The following KRT24 variants were observed in gnomAD, a reference collection of about 807,000 sequenced individuals.
The protein encoded by KRT24 is keratin, type I cytoskeletal 24.
Under a neutral mutation model 51.7 loss-of-function variants are expected in KRT24, and 44 were observed. The ratio of observed to expected loss-of-function variants is 0.85; its 90% CI spans 0.67 to 1.09. The LOEUF (loss-of-function observed/expected upper bound fraction) is 1.09, where lower values mean the gene tolerates loss of function less well. Among genes scored for constraint, KRT24 ranks in the 50% least tolerant of loss-of-function variants. The pLI, the probability that KRT24 is intolerant of heterozygous loss-of-function variation, is 0.00. For synonymous variants in KRT24, 241 were observed against 249.5 expected (o/e 0.97, Z 0.32); for missense variants, 633 against 647.0 (o/e 0.98, Z 0.24).
Position 40,698,542 on chromosome 17 carries a change from T to A in KRT24, c.1470A>T (p.Gly490=), listed in dbSNP as rs2037634925. 1 of 1,578,678 alleles carries A rather than the reference T, an allele frequency of 6.3e-7. No individual in the cohort carries two copies. Among genetic ancestry groups the A allele is most frequent in the Non-Finnish European group, 8.7e-7 (1 of 1,151,830 alleles). The change falls in exon 7 of 8, where the codon GGA becomes GGT. Residue 490 remains glycine, a synonymous_variant. Transcript: ENST00000264651. ...DSRSGSCSGQ[G]RDSSKTRVTK... The stretch of plus-strand genomic sequence containing the variant: ...TCAATATTAAAAAAAGTCTACCTCG[T>A]CCTTGACCAGAACAGCTTCCAGATC...
In KRT24 at chr17:40,700,083, G is replaced by T. The variant is rs1289886597; in HGVS notation, c.1058C>A (p.Ala353Glu). The change falls in exon 5 of 8, where the codon GCA becomes GAA. Residue 353 changes from alanine to glutamate, a missense_variant. Ala to Glu is a moderately radical substitution (Grantham distance 107). Coordinates refer to ENST00000264651, the MANE Select transcript of KRT24 (RefSeq NM_019016.3). ...TATCTCATTCTTGGCAGAAGTGGCT[G>T]CCCCAGCATCAGTGGAGATTTGTGC... ...LQAQISTDAG[A>E]ATSAKNEITE... is the part of the protein sequence containing the mutation. 6.2e-7 allele frequency: 1 copy of T among 1,614,198 alleles called. No homozygotes were observed. The highest frequency in any genetic ancestry group is 8.5e-7 in the Non-Finnish European group (1 of 1,180,034).
rs767398208 is a variant in KRT24, at chr17:40,703,062, G to A, written c.615+17C>T. The A allele has an allele frequency of 1.9e-6, 3 of 1,559,202 alleles. No individual in the cohort carries two copies. The highest frequency in any genetic ancestry group is 2.6e-6 in the Non-Finnish European group (3 of 1,156,230). ...AAGATCCACAAATAATAGAAACTCA[G>A]GCACAGATAGTCTCACCTGGTTTCT... is the stretch of plus-strand genomic sequence containing the variant. On this transcript the variant is annotated intron_variant, in intron 1 of 7. Transcript: ENST00000264651.
At position 40,698,648 on chromosome 17, in the gene KRT24, C is replaced by T; in HGVS notation, c.1364G>A (p.Gly455Asp). The T allele has an allele frequency of 6.7e-7, 1 of 1,483,420 alleles. No homozygotes were observed. The highest frequency in any genetic ancestry group is 9.4e-7 in the Non-Finnish European group (1 of 1,064,708). The allele number at this position is 1,483,420 out of a possible 1,614,324, so 91.9% of individuals were successfully genotyped here. ...YRRLLDGEGG[G>D]SSFAEFGGRN... ...ACCACCAAATTCTGCAAAACTAGAA[C>T]CACTGGAGAAAAAAAGAATTATGTT... Residue 455 changes from glycine to aspartate, a missense_variant and splice_region_variant, in exon 7 of 8, where the codon GGT (glycine) becomes GAT (aspartate). Transcript: ENST00000264651.
Position 40,698,153 on chromosome 17 carries a change from T to G in KRT24, c.*84A>C. 1 of 855,362 alleles carries G rather than the reference T, an allele frequency of 1.2e-6. No homozygotes were observed. Among genetic ancestry groups the G allele is most frequent in the Non-Finnish European group, 1.9e-6 (1 of 515,268 alleles). 53.0% of individuals were successfully genotyped at this position (855,362 alleles called of 1,614,324 possible). ...CTTTTCCTGAAATTATCCAGAAAGATGCCTAGATTGATGCCATTTCTTCGC... is the reference window on the plus strand; with the variant it reads ...CTTTTCCTGAAATTATCCAGAAAGAGGCCTAGATTGATGCCATTTCTTCGC... On this transcript the variant is annotated 3_prime_UTR_variant, in exon 8 of 8. Coordinates refer to ENST00000264651, the MANE Select transcript of KRT24 (RefSeq NM_019016.3).
intron 6 of KRT24, among the ~76,000 whole-genome samples, chr17:40,698,867 C>T (rs1188002515): frequency 7.1e-6 from 1 of 141,416 alleles, no homozygotes; most frequent in East Asian, 2.1e-4. Flanking sequence ...CACCACCATG[C>T]CCAGCTAATT....
Position 40,698,161 on chromosome 17 carries a change from T to C in KRT24, c.*76A>G. 1 of 932,780 alleles carries C rather than the reference T, an allele frequency of 1.1e-6. No homozygotes were observed. Among genetic ancestry groups the C allele is most frequent in the Non-Finnish European group, 1.7e-6 (1 of 575,810 alleles). 57.8% of individuals were successfully genotyped at this position (932,780 alleles called of 1,614,324 possible). A position where few individuals can be genotyped will look rare whatever the true frequency, so the allele number is the denominator to read the frequency against. On this transcript the variant is annotated 3_prime_UTR_variant, in exon 8 of 8. Coordinates refer to ENST00000264651, the MANE Select transcript of KRT24 (RefSeq NM_019016.3). Reference sequence around the variant, plus strand: ...GAAATTATCCAGAAAGATGCCTAGATTGATGCCATTTCTTCGCTTGTGTCC... The same window carrying C: ...GAAATTATCCAGAAAGATGCCTAGACTGATGCCATTTCTTCGCTTGTGTCC...
intron 1 of KRT24, among the ~76,000 whole-genome samples, 162 bp downstream of exon 1, chr17:40,702,917 A>G (rs2037699209): frequency 6.6e-6 from 1 of 152,230 alleles, no homozygotes; most frequent in Non-Finnish European, 1.5e-5. Flanking sequence ...ATTGGACATC[A>G]CATAAGGTAC....
At chr17:40,699,742 C>T in intron 5 of KRT24, 81 bp from the exon 6 acceptor site, 1 of 1,240,494 alleles carries the variant, frequency 8.1e-7, no homozygotes, top group South Asian at 1.3e-5. Flanking sequence ...TTATGTGGCA[C>T]TAGAAGTGCA....
intron 6 of KRT24, among the ~76,000 whole-genome samples, chr17:40,698,875 ATTTTTT>A (rs11315622): frequency 7.6e-6 from 1 of 130,962 alleles, no homozygotes; most frequent in Non-Finnish European, 1.6e-5. Flanking sequence ...TGCCCAGCTA[ATTTTTT>A]TTTTTTTTTT....
rs370250980 is a variant in KRT24, at chr17:40,701,923, G to A, written c.626C>T (p.Ala209Val). Residue 209 changes from alanine to valine, a missense_variant, in exon 2 of 8, where the codon GCC becomes GTC. Physicochemically the swap from Ala to Val is moderately conservative, Grantham distance 64 (BLOSUM62 0). Transcript: ENST00000264651. The part of the protein sequence containing the change: ...IEDLRNQIIA[A>V]TVENAGIILH... ...AATGATCCCAGCATTTTCAACAGTG[G>A]CAGCAATGATCTAAAAAAGATGTTA... 2.1e-5 allele frequency: 32 copies of A among 1,539,980 alleles called. No individual in the cohort carries two copies. The East Asian group carries it at 2.2e-4, about 11-fold the overall frequency.
chr17:40,699,991 C>T lies in KRT24; in HGVS notation c.1143+7G>A. ...GTTGGAAAATGTGAAAAGCTATTTGCACATACCATGGCCAGTTGGGACTGA... is the reference window on the plus strand; with the variant it reads ...GTTGGAAAATGTGAAAAGCTATTTGTACATACCATGGCCAGTTGGGACTGA... On this transcript the variant is annotated splice_region_variant and intron_variant, in intron 5 of 7. Transcript: ENST00000264651. The T allele has an allele frequency of 6.2e-7, 1 of 1,614,024 alleles. No individual in the cohort carries two copies. Among genetic ancestry groups the T allele is most frequent in the Non-Finnish European group, 8.5e-7 (1 of 1,180,018 alleles).
chr17:40,703,594 C>T lies in KRT24; in HGVS notation c.100G>A (p.Gly34Ser). Residue 34 changes from glycine (G) to serine (S), a missense_variant, in exon 1 of 8, where the codon GGT becomes AGT. Coordinates refer to ENST00000264651, the MANE Select transcript of KRT24 (RefSeq NM_019016.3). ...GSSFSSGSRC[G>S]LGGSSAQGFR... ...CCCTGGGCCGAGCTGCCCCCCAGAC[C>T]ACATCTGCTTCCACTGCTGAAGCTG... 1 of 1,613,420 alleles carries T rather than the reference C, an allele frequency of 6.2e-7. No homozygotes were observed. Among genetic ancestry groups the T allele is most frequent in the Non-Finnish European group, 8.5e-7 (1 of 1,179,768 alleles).
Position 40,698,785 on chromosome 17 carries a change from T to A in KRT24, c.1362-135A>T, listed in dbSNP as rs2037638845. The A allele has an allele frequency of 7.0e-5, 45 of 639,844 alleles. 2 individuals carry two copies. The South Asian group carries it at 8.7e-4, about 12-fold the overall frequency. 39.6% of individuals were successfully genotyped at this position (639,844 alleles called of 1,614,324 possible). On this transcript the variant is annotated intron_variant, in intron 6 of 7. Coordinates refer to ENST00000264651, the MANE Select transcript of KRT24 (RefSeq NM_019016.3). ...TTGGATTGTGTCTGCTGCTTTTTTGTTCAACCTTGCACTCCTGGGCTCAAG... is the reference window on the plus strand; with the variant it reads ...TTGGATTGTGTCTGCTGCTTTTTTGATCAACCTTGCACTCCTGGGCTCAAG...
At chr17:40,701,723 G>GTA (rs36205605) in intron 2 of KRT24, 128 bp downstream of exon 2, 37 of 38,332 alleles carry the variant, frequency 9.7e-4, no homozygotes, top group Non-Finnish European at 1.6e-3. Flanking sequence ...TGATCCTCTA[G>GTA]TATATATATA....
rs759487802 is a variant in KRT24 at position 40,700,283 on chromosome 17, G to A, written c.956C>T (p.Ala319Val). 1.9e-6 allele frequency: 3 copies of A among 1,613,960 alleles called. No individual in the cohort carries two copies. Among genetic ancestry groups the A allele is most frequent in the African/African-American group, 1.3e-5 (1 of 74,900 alleles). Residue 319 changes from alanine (A) to valine (V), a missense_variant, in exon 4 of 8, where the codon GCG (alanine) becomes GTG (valine). Ala to Val is a moderately conservative substitution (Grantham distance 64, BLOSUM62 0). Transcript: ENST00000264651. ...DLTKLLNDMR[A>V]QYEELAEQNR... ...TTGCTCAGCCAGCTCCTCGTACTGCGCCCTCATGTCATTCAGTAATTTGGT... is the reference window on the plus strand; with the variant it reads ...TTGCTCAGCCAGCTCCTCGTACTGCACCCTCATGTCATTCAGTAATTTGGT...
Position 40,701,903 on chromosome 17 carries a change from T to C in KRT24, c.646A>G (p.Ile216Val). ...CTGGCATTGTCAATGTGCAAAATGA[T>C]CCCAGCATTTTCAACAGTGGCAGCA... ...IIAATVENAGIILHIDNARLA... is the reference protein window; with the variant it reads ...IIAATVENAGVILHIDNARLA... Residue 216 changes from isoleucine to valine, a missense_variant, in exon 2 of 8, where the codon ATC becomes GTC. By Grantham distance (29) the Ile-to-Val change is conservative. Coordinates refer to ENST00000264651, the MANE Select transcript of KRT24 (RefSeq NM_019016.3). 6.4e-7 allele frequency: 1 copy of C among 1,552,732 alleles called. No homozygotes were observed. Among genetic ancestry groups the C allele is most frequent in the Non-Finnish European group, 8.7e-7 (1 of 1,142,906 alleles).
At position 40,701,907 on chromosome 17, in the gene KRT24, A is replaced by T; in HGVS notation, c.642T>A (p.Ala214=). 6.4e-7 allele frequency: 1 copy of T among 1,553,894 alleles called. No homozygotes were observed. The highest frequency in any genetic ancestry group is 8.7e-7 in the Non-Finnish European group (1 of 1,143,328). ...NQIIAATVEN[A]GIILHIDNAR... ...CATTGTCAATGTGCAAAATGATCCC[A>T]GCATTTTCAACAGTGGCAGCAATGA... is the stretch of plus-strand genomic sequence containing the variant. Residue 214 remains alanine (A), a synonymous_variant, in exon 2 of 8, where the codon GCT becomes GCA. Transcript: ENST00000264651.
chr17:40,703,460 C>G lies in KRT24; in HGVS notation c.234G>C (p.Gly78=). ...ATCCTGTCCCAGAGCCTGAAGCTCC[C>G]CCAAAACCACCCCCTACTGAGCAGC... ...FGSCSVGGGF[G]GASGSGTGFG... is the part of the protein sequence containing the mutation. The change falls in exon 1 of 8, where the codon GGG becomes GGC. Residue 78 remains glycine (G), a synonymous_variant. Transcript: ENST00000264651. 2 of 1,542,180 alleles carry G rather than the reference C, an allele frequency of 1.3e-6. No individual in the cohort carries two copies. Among genetic ancestry groups the G allele is most frequent in the South Asian group, 1.1e-5 (1 of 89,458 alleles).
rs2037662127 is a variant in KRT24 at position 40,700,340 on chromosome 17, A to G, written c.899T>C (p.Val300Ala). Residue 300 changes from valine (V) to alanine (A), a missense_variant, in exon 4 of 8, where the codon GTA becomes GCA. Transcript: ENST00000264651. Reference protein sequence around the residue: ...MQGSSGGEVTVEMNAAPGTDL... With the variant: ...MQGSSGGEVTAEMNAAPGTDL... ...GGTCCCTGGCGCAGCATTCATTTCTACGGTCACCTCCCCTCCAGAGCTTCC... is the reference window on the plus strand; with the variant it reads ...GGTCCCTGGCGCAGCATTCATTTCTGCGGTCACCTCCCCTCCAGAGCTTCC... 1 of 1,614,002 alleles carries G rather than the reference A, an allele frequency of 6.2e-7. No individual in the cohort carries two copies.
Sources: gnomAD v4.1 joint callset for allele counts (sites outside exome capture counted in the v4.1 genomes callset) on GRCh38, gnomAD v4.1.1 for gene constraint, MANE v1.5 for transcripts, NCBI Gene and HGNC (gene_info 2026-07-23, HGNC 2026-07-21) for gene names.